The following PID1 variants were observed in gnomAD, a reference collection of about 807,000 sequenced individuals.
The protein encoded by PID1 is phosphotyrosine interaction domain containing 1.
In PID1, 10 loss-of-function variants were observed where a neutral mutation model predicts 19.1. That is an observed-to-expected ratio of 0.52 (90% CI 0.32 to 0.89). PID1 has a LOEUF of 0.89. PID1 is among the 40% of genes least tolerant of loss of function. The pLI, the probability that PID1 is intolerant of heterozygous loss-of-function variation, is 0.03. For synonymous variants in PID1, 130 were observed against 116.0 expected (o/e 1.12, Z -0.78); for missense variants, 248 against 285.3 (o/e 0.87, Z 0.94).
chr2:229,115,333 C>G (rs1331958081), intron 2 of PID1, among the ~76,000 whole-genome samples: 1 of 146,124 alleles, frequency 6.8e-6, no homozygotes, highest in Admixed American at 7.0e-5. Flanking sequence ...CAGCCAGACC[C>G]TGTCACTACA....
chr2:229,046,196 T>A (rs749161657), intron 2 of PID1, among the ~76,000 whole-genome samples: 1 of 152,138 alleles, frequency 6.6e-6, no homozygotes, highest in Non-Finnish European at 1.5e-5. Context: ...ATAAACAAGA[T>A]GAAAGAATGC....
At chr2:229,207,649 T>C (rs1330123349) in intron 1 of PID1, among the ~76,000 whole-genome samples, 1 of 151,728 alleles carries the variant, frequency 6.6e-6, no homozygotes, top group African/African-American at 2.4e-5. Context: ...AAGTTGTCTG[T>C]GTAATGATCA....
chr2:229,041,990 A>G (rs551619141), intron 2 of PID1, among the ~76,000 whole-genome samples: 2 of 152,214 alleles, frequency 1.3e-5, no homozygotes, highest in Non-Finnish European at 2.9e-5. Context: ...ACAATTGTGA[A>G]AATATGAGTA....
intron 2 of PID1, among the ~76,000 whole-genome samples, chr2:229,154,454 A>G (rs1307289724): frequency 6.6e-6 from 1 of 152,154 alleles, no homozygotes; most frequent in African/African-American, 2.4e-5. Context: ...TTGTTTACCT[A>G]GATTTTCTCC....
chr2:229,078,291 T>C (rs527333346), intron 2 of PID1, among the ~76,000 whole-genome samples: 141 of 152,340 alleles, frequency 9.3e-4, no homozygotes, highest in Middle Eastern at 6.8e-3. Context: ...CTTAAGGGGC[T>C]TTTTGGCTGA....
chr2:229,242,549 C>T lies in PID1; in HGVS notation c.30+28465G>A, dbSNP rs1178877702. ...TACATTTCCCGTCCTCTCTAATCAG[C>T]TGTCAACCCATTCTGCCTCTTCACC... On this transcript the variant is annotated intron_variant, in intron 1 of 2. Coordinates refer to ENST00000392055, the MANE Select transcript of PID1 (RefSeq NM_001100818.2). Among the ~76,000 whole-genome samples, 5 of 152,232 alleles carry T rather than the reference C, an allele frequency of 3.3e-5. No homozygotes were observed. The South Asian group carries it at 6.2e-4, about 19-fold the overall frequency.
intron 1 of PID1, among the ~76,000 whole-genome samples, chr2:229,248,760 CTT>C (rs1375580972): frequency 6.6e-6 from 1 of 151,420 alleles, no homozygotes; most frequent in Non-Finnish European, 1.5e-5. Flanking sequence ...AACTCATAGA[CTT>C]ATTTTTTTTT....
Position 229,117,888 on chromosome 2 carries a change from G to A in PID1, c.177+37930C>T, listed in dbSNP as rs6706662. ...AGACTTCCCTAGACTTCTGCACTCA[G>A]CTGAAATGTCCTACTGTAGGAGCTC... On this transcript the variant is annotated intron_variant, in intron 2 of 2. Coordinates refer to ENST00000392055, the MANE Select transcript of PID1 (RefSeq NM_001100818.2). Among the ~76,000 whole-genome samples, 1,167 of 152,130 alleles carry A rather than the reference G, an allele frequency of 7.7e-3. 17 individuals carry two copies. Among genetic ancestry groups the A allele is most frequent in the African/African-American group, 0.027 (1,128 of 41,476 alleles).
intron 1 of PID1, among the ~76,000 whole-genome samples, chr2:229,169,517 C>T (rs1690667300): frequency 1.3e-5 from 2 of 152,088 alleles, no homozygotes; most frequent in Non-Finnish European, 1.5e-5. Flanking sequence ...TATTTTTAAT[C>T]AGTTAAAAAT....
chr2:229,073,179 C>G (rs1288610534), intron 2 of PID1, among the ~76,000 whole-genome samples: 10 of 152,196 alleles, frequency 6.6e-5, no homozygotes, highest in Non-Finnish European at 1.2e-4. Flanking sequence ...GCGCCCGCCA[C>G]CACGCCTGGC....
rs113352839 is a variant in PID1, at chr2:229,142,209, G to A, written c.177+13609C>T. The stretch of plus-strand genomic sequence containing the variant: ...TAGTACTGCTCCCACAAAAAAGTTC[G>A]AAGTACTTTATAAATATCTCTTTAA... On this transcript the variant is annotated intron_variant, in intron 2 of 2. Transcript: ENST00000392055. 8.3e-3 allele frequency among the ~76,000 whole-genome samples: 1,262 copies of A among 152,132 alleles called. 18 individuals are homozygous for A. Among genetic ancestry groups the A allele is most frequent in the African/African-American group, 0.028 (1,159 of 41,500 alleles).
intron 2 of PID1, among the ~76,000 whole-genome samples, chr2:229,055,499 T>C (rs1396020254): frequency 6.6e-6 from 1 of 152,208 alleles, no homozygotes; most frequent in African/African-American, 2.4e-5. Flanking sequence ...TGGAGTTGCC[T>C]TGGGTATGTG....
intron 1 of PID1, among the ~76,000 whole-genome samples, chr2:229,174,586 C>G (rs887592920): frequency 2.6e-5 from 4 of 151,846 alleles, no homozygotes; most frequent in Admixed American, 2.6e-4. Flanking sequence ...TTTAGACTGT[C>G]CCCATTACCT....
chr2:229,114,273 T>C (rs1410458346), intron 2 of PID1, among the ~76,000 whole-genome samples: 1 of 152,006 alleles, frequency 6.6e-6, no homozygotes, highest in Non-Finnish European at 1.5e-5. Flanking sequence ...AAATTGAAAT[T>C]GGAATCCAGA....
chr2:229,210,808 C>T (rs989410918), intron 1 of PID1, among the ~76,000 whole-genome samples: 2 of 152,122 alleles, frequency 1.3e-5, no homozygotes, highest in Non-Finnish European at 2.9e-5. Context: ...CCAGCAGCAG[C>T]GGTCCCCTCC....
intron 1 of PID1, among the ~76,000 whole-genome samples, chr2:229,193,780 T>C (rs1250899651): frequency 2.0e-5 from 3 of 150,144 alleles, no homozygotes; most frequent in African/African-American, 7.4e-5. Context: ...CGTAGCCTTA[T>C]TGGGAAAAAA....
intron 1 of PID1, among the ~76,000 whole-genome samples, chr2:229,229,481 T>C (rs565573404): frequency 3.3e-5 from 5 of 151,856 alleles, no homozygotes; most frequent in South Asian, 2.1e-4. Context: ...AAAAAATATA[T>C]GAAAAATTAG....
chr2:229,082,249 G>A (rs1281362567), intron 2 of PID1, among the ~76,000 whole-genome samples: 1 of 152,172 alleles, frequency 6.6e-6, no homozygotes, highest in Non-Finnish European at 1.5e-5. Flanking sequence ...ATGTTGCATG[G>A]AGAAATGCAC....
chr2:229,188,891 G>T (rs1691194879), intron 1 of PID1, among the ~76,000 whole-genome samples: 1 of 152,088 alleles, frequency 6.6e-6, no homozygotes, highest in African/African-American at 2.4e-5. Context: ...TCTTTAGTAA[G>T]CATCTTTTTA....
Sources: allele counts gnomAD v4.1 joint callset (sites outside exome capture counted in the v4.1 genomes callset), GRCh38; gene constraint gnomAD v4.1.1; transcripts MANE v1.5; gene names NCBI Gene and HGNC (gene_info 2026-07-23, HGNC 2026-07-21).